The following EXOC4 variants were observed in gnomAD, a reference collection of about 807,000 sequenced individuals.
EXOC4 encodes the protein exocyst complex component 4.
EXOC4 carries 71 observed loss-of-function variants against 107.2 expected under a neutral mutation model. The observed-to-expected ratio is 0.66, with a 90% CI of 0.55 to 0.81. The LOEUF is 0.81. Among genes scored for constraint, EXOC4 ranks in the 30% least tolerant of loss-of-function variants. EXOC4 has a pLI of 0.00. For missense variants in EXOC4, 1,108 were observed against 1,189.6 expected (o/e 0.93, Z 1.01); for synonymous variants, 456 against 441.2 (o/e 1.03, Z -0.42).
At chr7:133,337,977 G>T (rs2150618797) in intron 5 of EXOC4, among the ~76,000 whole-genome samples, 1 of 149,762 alleles carries the variant, frequency 6.7e-6, no homozygotes, top group East Asian at 2.0e-4. Context: ...TGTGAAAGTA[G>T]CTAGCAGTTT....
chr7:133,946,184 A>G (rs1800545186), intron 14 of EXOC4, among the ~76,000 whole-genome samples: 1 of 152,004 alleles, frequency 6.6e-6, no homozygotes, highest in Non-Finnish European at 1.5e-5. Flanking sequence ...CATTCTTAGT[A>G]GTTGTCATTT....
intron 9 of EXOC4, among the ~76,000 whole-genome samples, chr7:133,568,302 A>G (rs1800949941): frequency 6.6e-6 from 1 of 150,536 alleles, no homozygotes; most frequent in Admixed American, 6.6e-5. Context: ...TTTTTTTCCC[A>G]TTTATACTTT....
chr7:133,410,267 CAGA>C (rs1797326368), intron 7 of EXOC4, among the ~76,000 whole-genome samples: 1 of 152,028 alleles, frequency 6.6e-6, no homozygotes, highest in African/African-American at 2.4e-5. Flanking sequence ...CACAGGATAT[CAGA>C]GGAGGGAGGG....
chr7:133,380,177 A>G (rs2150698981), intron 7 of EXOC4, among the ~76,000 whole-genome samples: 1 of 151,984 alleles, frequency 6.6e-6, no homozygotes, highest in Admixed American at 6.6e-5. Context: ...AACATGTCAC[A>G]TGTATACATA....
At chr7:133,516,325 A>AT (rs1799874806) in intron 9 of EXOC4, among the ~76,000 whole-genome samples, 1 of 152,166 alleles carries the variant, frequency 6.6e-6, no homozygotes, top group Non-Finnish European at 1.5e-5. Flanking sequence ...CCTCAAGAGA[A>AT]TTTCTGTACC....
At chr7:133,378,454 T>C (rs1218339744) in intron 7 of EXOC4, among the ~76,000 whole-genome samples, 2 of 152,022 alleles carry the variant, frequency 1.3e-5, no homozygotes, top group African/African-American at 4.8e-5. Context: ...CATTTCTTGA[T>C]TTATTTTTAT....
intron 11 of EXOC4, among the ~76,000 whole-genome samples, chr7:133,842,628 A>G (rs111996039): frequency 0.12 from 18,298 of 152,134 alleles, 1,209 homozygotes; most frequent in Middle Eastern, 0.15. Context: ...TTCTTTTGCT[A>G]TGCAGAAGCT....
At chr7:133,648,203 T>G (rs1803041379) in intron 10 of EXOC4, among the ~76,000 whole-genome samples, 1 of 152,332 alleles carries the variant, frequency 6.6e-6, no homozygotes, top group East Asian at 1.9e-4. Flanking sequence ...TTGCCTCTAT[T>G]GCCAAAGAGG....
At chr7:133,781,726 C>G (rs568227995) in intron 10 of EXOC4, among the ~76,000 whole-genome samples, 26 of 152,134 alleles carry the variant, frequency 1.7e-4, no homozygotes, top group Non-Finnish European at 1.8e-4. Flanking sequence ...GTCTCCCATG[C>G]GAGGCTCAGC....
At chr7:133,362,976 C>G (rs1396276634) in intron 6 of EXOC4, among the ~76,000 whole-genome samples, 1 of 152,160 alleles carries the variant, frequency 6.6e-6, no homozygotes, top group East Asian at 1.9e-4. Context: ...TAGCCATTCC[C>G]AGGCACCGCA....
At chr7:133,786,549 G>A (rs780680712) in intron 10 of EXOC4, among the ~76,000 whole-genome samples, 17 of 152,218 alleles carry the variant, frequency 1.1e-4, no homozygotes, top group South Asian at 4.1e-4. Flanking sequence ...TTCCAGACCA[G>A]CATCTGTTCC....
chr7:133,467,563 C>T (rs1426117407), intron 7 of EXOC4, among the ~76,000 whole-genome samples: 9 of 143,812 alleles, frequency 6.3e-5, no homozygotes, highest in African/African-American at 1.3e-4. Flanking sequence ...GGCTTCAGTT[C>T]GTAATTTGTC....
intron 9 of EXOC4, among the ~76,000 whole-genome samples, chr7:133,485,085 ATAAATAAATAAAT>A (rs1799243771): frequency 7.8e-6 from 1 of 128,944 alleles, no homozygotes; most frequent in African/African-American, 3.0e-5. Context: ...GTCTCAAAAA[ATAAATAAATAAAT>A]AAATAAATAA....
chr7:133,677,470 T>G (rs900778457), intron 10 of EXOC4, among the ~76,000 whole-genome samples: 14 of 152,186 alleles, frequency 9.2e-5, no homozygotes, highest in African/African-American at 3.1e-4. Flanking sequence ...AAAAAAAGAT[T>G]GTCATCTAAG....
In EXOC4 at chr7:133,512,428, T is replaced by TA. The variant is rs371729448; in HGVS notation, c.1417+32302dup. On this transcript the variant is annotated intron_variant, in intron 9 of 17. Coordinates refer to ENST00000253861, the MANE Select transcript of EXOC4 (RefSeq NM_021807.4). ...TGGGCGATAGAGTGAGACTCCATCTTAAAAAAAAAAAAGAAAATACATAGT... is the reference window on the plus strand; with the variant it reads ...TGGGCGATAGAGTGAGACTCCATCTTAAAAAAAAAAAAAGAAAATACATAGT... Among the ~76,000 whole-genome samples the TA allele has an allele frequency of 8.2e-3, 1,165 of 142,200 alleles. 12 individuals carry two copies. Among genetic ancestry groups the TA allele is most frequent in the African/African-American group, 0.024 (954 of 38,942 alleles). The allele number at this position is 142,200 out of a possible 152,430, so 93.3% of individuals were successfully genotyped here. A position where few individuals can be genotyped will look rare whatever the true frequency, so the allele number is the denominator to read the frequency against.
intron 10 of EXOC4, among the ~76,000 whole-genome samples, chr7:133,719,941 G>T (rs1290170867): frequency 6.6e-6 from 1 of 151,774 alleles, no homozygotes; most frequent in Admixed American, 6.6e-5. Context: ...ATGAATTGAA[G>T]GTATGCAAAG....
chr7:134,006,274 C>T (rs961592659), intron 16 of EXOC4, among the ~76,000 whole-genome samples: 1 of 151,964 alleles, frequency 6.6e-6, no homozygotes, highest in Non-Finnish European at 1.5e-5. Flanking sequence ...TTGCAGACCA[C>T]GTTATATTGT....
At chr7:133,682,827 C>T (rs1794216324) in intron 10 of EXOC4, among the ~76,000 whole-genome samples, 1 of 152,224 alleles carries the variant, frequency 6.6e-6, no homozygotes, top group South Asian at 2.1e-4. Flanking sequence ...TCAAATGCCG[C>T]ACCTGCTCGG....
chr7:133,260,354 A>G (rs193059598), intron 1 of EXOC4, among the ~76,000 whole-genome samples: 1 of 151,680 alleles, frequency 6.6e-6, no homozygotes, highest in Admixed American at 6.6e-5. Flanking sequence ...GCTCACTGCA[A>G]CCTCTGACTC....
Sources: gnomAD v4.1 joint callset for allele counts (sites outside exome capture counted in the v4.1 genomes callset) on GRCh38, gnomAD v4.1.1 for gene constraint, MANE v1.5 for transcripts, NCBI Gene and HGNC (gene_info 2026-07-23, HGNC 2026-07-21) for gene names.